Variants in PCDH15 observed in about 807,000 individuals in gnomAD.
PCDH15 encodes protocadherin-15.
A neutral mutation model predicts 178.5 loss-of-function variants in PCDH15; 129 were observed. The observed-to-expected ratio is 0.72, with a 90% CI of 0.63 to 0.84. The LOEUF (loss-of-function observed/expected upper bound fraction) is 0.84. PCDH15 is among the 40% of genes least tolerant of loss of function. The pLI, the probability that PCDH15 is intolerant of heterozygous loss-of-function variation, is 0.00. For synonymous variants in PCDH15, 800 were observed against 732.0 expected (o/e 1.09, Z -1.50); for missense variants, 2,230 against 2,099.9 (o/e 1.06, Z -1.21).
At chr10:55,025,268 A>C (rs148638996) in intron 2 of PCDH15, among the ~76,000 whole-genome samples, 276 of 152,176 alleles carry the variant, frequency 1.8e-3, no homozygotes, top group African/African-American at 6.4e-3. Flanking sequence ...AGAAACCAAA[A>C]TTTCATTGTA....
upstream of PCDH15, among the ~76,000 whole-genome samples, chr10:54,802,423 T>A (rs1168964283): frequency 6.6e-6 from 1 of 152,218 alleles, no homozygotes; most frequent in Non-Finnish European, 1.5e-5. Context: ...CAGATAATTA[T>A]AGATGAACCC....
intron 8 of PCDH15, among the ~76,000 whole-genome samples, chr10:54,268,837 T>C (rs1230241256): frequency 6.6e-6 from 1 of 151,930 alleles, no homozygotes; most frequent in East Asian, 1.9e-4. Flanking sequence ...TGATTTAAGA[T>C]ATTTTTTGAT....
intron 1 of PCDH15, among the ~76,000 whole-genome samples, chr10:54,768,143 TC>T (rs1187700130): frequency 1.3e-5 from 2 of 152,000 alleles, no homozygotes; most frequent in East Asian, 1.9e-4. Context: ...AACCAAAGAG[TC>T]TAAATATGAA....
intron 3 of PCDH15, among the ~76,000 whole-genome samples, chr10:54,447,845 T>A (rs1465265717): frequency 1.3e-5 from 2 of 151,742 alleles, no homozygotes; most frequent in East Asian, 3.9e-4. Context: ...TATTTCTGTA[T>A]GAATTTTGAT....
chr10:55,217,674 T>C (rs1007988710), intron 1 of PCDH15, among the ~76,000 whole-genome samples: 2 of 151,812 alleles, frequency 1.3e-5, no homozygotes, highest in Non-Finnish European at 2.9e-5. Flanking sequence ...ACAACAGAAA[T>C]TAATGAACAC....
In PCDH15 at chr10:54,468,996, T is replaced by C. The variant is rs533006013; in HGVS notation, c.157+58816A>G. On this transcript the variant is annotated intron_variant, in intron 3 of 37. Transcript: ENST00000644397. ...TTTTTGCTTCCATTTGCATGGAATA[T>C]CTTTTTCCATCCCTTTACATTCAAT... is the stretch of plus-strand genomic sequence containing the variant. Among the ~76,000 whole-genome samples, 14 of 152,332 alleles carry C rather than the reference T, an allele frequency of 9.2e-5. No individual in the cohort carries two copies. In the East Asian group the frequency reaches 2.5e-3, roughly 27 times the overall value.
chr10:55,046,630 A>T (rs1170222633), intron 2 of PCDH15, among the ~76,000 whole-genome samples: 9 of 152,052 alleles, frequency 5.9e-5, no homozygotes, highest in African/African-American at 1.4e-4. Context: ...GCTCAGCAAC[A>T]TTTCATAATA....
At chr10:54,840,588 T>C (rs1161134906) in intron 3 of PCDH15, among the ~76,000 whole-genome samples, 2 of 151,964 alleles carry the variant, frequency 1.3e-5, no homozygotes, top group Non-Finnish European at 2.9e-5. Context: ...AAGTCCTTAC[T>C]TATTAATATT....
At chr10:54,323,227 G>A (rs2061718180) in intron 7 of PCDH15, among the ~76,000 whole-genome samples, 1 of 152,078 alleles carries the variant, frequency 6.6e-6, no homozygotes, top group Admixed American at 6.6e-5. Flanking sequence ...ATACTGGTGA[G>A]GCTGCAGAGA....
chr10:54,616,346 GA>G (rs2093153400), intron 2 of PCDH15, among the ~76,000 whole-genome samples: 1 of 152,050 alleles, frequency 6.6e-6, no homozygotes, highest in Non-Finnish European at 1.5e-5. Context: ...CAGGTATAAA[GA>G]ACATATTCCT....
intron 2 of PCDH15, among the ~76,000 whole-genome samples, chr10:55,368,346 TATAC>T (rs766692816): frequency 6.6e-6 from 1 of 152,066 alleles, no homozygotes; most frequent in Non-Finnish European, 1.5e-5. Flanking sequence ...ACACTACAAA[TATAC>T]ACACAGCCTC....
At chr10:55,077,554 T>C (rs2132021756) in intron 2 of PCDH15, among the ~76,000 whole-genome samples, 1 of 151,356 alleles carries the variant, frequency 6.6e-6, no homozygotes, top group East Asian at 2.0e-4. Context: ...CTACCTTCCT[T>C]TCCTTCTTTC....
intron 1 of PCDH15, among the ~76,000 whole-genome samples, chr10:54,701,658 A>C (rs950508553): frequency 2.0e-5 from 3 of 152,186 alleles, no homozygotes; most frequent in South Asian, 2.1e-4. Context: ...TGCTATTTTA[A>C]TTTAAGAAAA....
At chr10:54,947,304 T>C (rs548314236) in intron 2 of PCDH15, among the ~76,000 whole-genome samples, 11 of 152,020 alleles carry the variant, frequency 7.2e-5, no homozygotes, top group Non-Finnish European at 1.3e-4. Flanking sequence ...TAACAAGAAG[T>C]AAAATGAAAA....
chr10:54,598,128 CTATG>C (rs2092332778), intron 2 of PCDH15, among the ~76,000 whole-genome samples: 1 of 152,022 alleles, frequency 6.6e-6, no homozygotes, highest in South Asian at 2.1e-4. Flanking sequence ...TCAACTCATT[CTATG>C]AGGCCAGTAT....
intron 20 of PCDH15, among the ~76,000 whole-genome samples, chr10:54,019,259 C>T (rs2092836478): frequency 6.6e-6 from 1 of 151,958 alleles, no homozygotes; most frequent in South Asian, 2.1e-4. Context: ...CTTTATATTG[C>T]CTAAGAAATT....
chr10:55,519,285 TAAA>T (rs34476517), intron 2 of PCDH15, among the ~76,000 whole-genome samples: 1 of 134,182 alleles, frequency 7.5e-6, no homozygotes. Flanking sequence ...ATGCTGAGTG[TAAA>T]AAAAAAAAAA....
At chr10:55,586,453 A>G (rs1344490860) in intron 2 of PCDH15, among the ~76,000 whole-genome samples, 1 of 152,154 alleles carries the variant, frequency 6.6e-6, no homozygotes. Flanking sequence ...TTCAAAATCT[A>G]TTTCAAGTAC....
chr10:55,524,193 T>C (rs932633915), intron 2 of PCDH15, among the ~76,000 whole-genome samples: 1 of 151,634 alleles, frequency 6.6e-6, no homozygotes, highest in Non-Finnish European at 1.5e-5. Flanking sequence ...AGAAAAAGTA[T>C]ATAGAGTAAA....
Sources: allele counts gnomAD v4.1 joint callset (sites outside exome capture counted in the v4.1 genomes callset), GRCh38; gene constraint gnomAD v4.1.1; transcripts MANE v1.5; gene names NCBI Gene and HGNC (gene_info 2026-07-23, HGNC 2026-07-21).